The following CKAP5 variants were observed in gnomAD, a reference collection of about 807,000 sequenced individuals.
The protein encoded by CKAP5 is cytoskeleton-associated protein 5.
CKAP5 carries 27 observed loss-of-function variants against 232.8 expected under a neutral mutation model. The observed-to-expected ratio is 0.12, with a 90% CI of 0.09 to 0.16. The LOEUF is 0.16. Among genes scored for constraint, CKAP5 ranks in the 10% least tolerant of loss-of-function variants. The probability of loss-of-function intolerance (pLI) is 1.00; values close to 1 mark genes in which losing one functional copy is unlikely to be tolerated. For missense variants in CKAP5, 1,838 were observed against 2,424.7 expected (o/e 0.76, Z 5.08); for synonymous variants, 785 against 841.1 (o/e 0.93, Z 1.16).
intron 24 of CKAP5, among the ~76,000 whole-genome samples, chr11:46,775,410 T>A (rs1292648531): frequency 6.6e-6 from 1 of 152,180 alleles, no homozygotes; most frequent in African/African-American, 2.4e-5. Flanking sequence ...TGGAAGACAG[T>A]GTGGCAATTC....
intron 9 of CKAP5, among the ~76,000 whole-genome samples, chr11:46,800,139 T>C (rs1402063170): frequency 1.3e-5 from 2 of 152,210 alleles, no homozygotes; most frequent in Non-Finnish European, 2.9e-5. Context: ...AAATGGCATA[T>C]ACACATCGAT....
In CKAP5 at chr11:46,770,110, A is replaced by C. The variant is rs772957611; in HGVS notation, c.3187-12T>G. On this transcript the variant is annotated splice_polypyrimidine_tract_variant and intron_variant, in intron 25 of 43. Coordinates refer to ENST00000529230, the MANE Select transcript of CKAP5 (RefSeq NM_001008938.4). ...TCTTTAGAAGTTGGCTAGAGAGACAAAATGACATAAAAAGTGAGAGGTCAC... is the reference window on the plus strand; with the variant it reads ...TCTTTAGAAGTTGGCTAGAGAGACACAATGACATAAAAAGTGAGAGGTCAC... 6.2e-7 allele frequency: 1 copy of C among 1,613,126 alleles called. No homozygotes were observed. Among genetic ancestry groups the C allele is most frequent in the Non-Finnish European group, 8.5e-7 (1 of 1,179,178 alleles).
intron 42 of CKAP5, 120 bp from the exon 43 acceptor site, chr11:46,744,697 T>G: frequency 1.1e-6 from 1 of 902,108 alleles, no homozygotes; most frequent in Non-Finnish European, 1.7e-6. Context: ...AAACGACAAA[T>G]TCCACAAGAA....
intron 18 of CKAP5, 140 bp from the exon 19 acceptor site, chr11:46,780,625 T>C (rs1011235606): frequency 1.2e-5 from 8 of 667,360 alleles, no homozygotes; most frequent in Admixed American, 8.0e-5. Context: ...CTTTATTTTA[T>C]TTTATTTATT....
At chr11:46,827,057 C>A (rs1166022315) in intron 1 of CKAP5, among the ~76,000 whole-genome samples, 2 of 152,152 alleles carry the variant, frequency 1.3e-5, no homozygotes, top group East Asian at 3.8e-4. Flanking sequence ...AAATGATGGA[C>A]CAACTAGGAA....
At chr11:46,752,219 C>CACACACATAT (rs61518519) in intron 38 of CKAP5, among the ~76,000 whole-genome samples, 1 of 86,222 alleles carries the variant, frequency 1.2e-5, no homozygotes, top group Admixed American at 1.8e-4. Flanking sequence ...CACACACACA[C>CACACACATAT]ACACACACAC....
chr11:46,801,343 G>T, intron 8 of CKAP5, 39 bp from the exon 9 acceptor site: 1 of 1,458,338 alleles, frequency 6.9e-7, no homozygotes, highest in Non-Finnish European at 9.6e-7. Flanking sequence ...AATAGTCACA[G>T]CCATGTAGAA....
chr11:46,783,429 T>G, intron 17 of CKAP5, 61 bp from the exon 18 acceptor site: 10 of 1,067,442 alleles, frequency 9.4e-6, no homozygotes, highest in Non-Finnish European at 1.3e-5. Flanking sequence ...AAATACAGCA[T>G]GACATTAAGG....
At chr11:46,812,413 G>T (rs1249396738) in intron 4 of CKAP5, among the ~76,000 whole-genome samples, 1 of 152,122 alleles carries the variant, frequency 6.6e-6, no homozygotes, top group African/African-American at 2.4e-5. Flanking sequence ...TTCCCAACTG[G>T]CCAATTTTAG....
In CKAP5 at chr11:46,763,743, T is replaced by G. The variant is rs547839802; in HGVS notation, c.3538-113A>C. The G allele has an allele frequency of 1.7e-5, 11 of 629,008 alleles. No individual in the cohort carries two copies. In the Admixed American group the frequency reaches 3.2e-4, roughly 18 times the overall value. 39.0% of individuals were successfully genotyped at this position (629,008 alleles called of 1,614,324 possible). Reference sequence around the variant, plus strand: ...TAAAATATTTAAAAATTCAACAATATTCATTTGTAATTAAATATGAATGCA... The same window carrying G: ...TAAAATATTTAAAAATTCAACAATAGTCATTTGTAATTAAATATGAATGCA... On this transcript the variant is annotated intron_variant, in intron 28 of 43. Coordinates refer to ENST00000529230, the MANE Select transcript of CKAP5 (RefSeq NM_001008938.4).
chr11:46,831,417 C>A (rs1202397166), intron 1 of CKAP5, among the ~76,000 whole-genome samples: 1 of 152,202 alleles, frequency 6.6e-6, no homozygotes, highest in African/African-American at 2.4e-5. Flanking sequence ...TACATGATAT[C>A]TCCTTTGAAA....
chr11:46,797,087 G>A, intron 11 of CKAP5, 147 bp from the exon 12 acceptor site: 1 of 892,432 alleles, frequency 1.1e-6, no homozygotes, highest in East Asian at 2.9e-5. Flanking sequence ...CCAATTGACA[G>A]TTACTCTTTC....
chr11:46,828,532 T>TGTGA lies in CKAP5; in HGVS notation c.-37-7268_-37-7265dup, dbSNP rs146795462. Among the ~76,000 whole-genome samples, 20 of 152,338 alleles carry TGTGA rather than the reference T, an allele frequency of 1.3e-4. No individual in the cohort carries two copies. The East Asian group carries it at 2.3e-3, about 18-fold the overall frequency. On this transcript the variant is annotated intron_variant, in intron 1 of 43. Transcript: ENST00000529230. ...TCTTAATTATCTTTTTCTTCCAATGTGTGATACAAAATAAGTACCCAACAA... is the reference window on the plus strand; with the variant it reads ...TCTTAATTATCTTTTTCTTCCAATGTGTGAGTGATACAAAATAAGTACCCAACAA...
In CKAP5 at chr11:46,778,333, C is replaced by T; in HGVS notation, c.2574-20G>A. The stretch of plus-strand genomic sequence containing the variant: ...TTATCACTGAAAAACAGAAAATAAC[C>T]TTTAATTCCAGACTCCAAAAAAATG... On this transcript the variant is annotated intron_variant, in intron 21 of 43. Coordinates refer to ENST00000529230, the MANE Select transcript of CKAP5 (RefSeq NM_001008938.4). 1.2e-6 allele frequency: 2 copies of T among 1,607,916 alleles called. No homozygotes were observed. The highest frequency in any genetic ancestry group is 1.7e-6 in the Non-Finnish European group (2 of 1,176,804).
chr11:46,811,232 G>A, intron 4 of CKAP5, 54 bp from the exon 5 acceptor site: 1 of 1,393,194 alleles, frequency 7.2e-7, no homozygotes, highest in South Asian at 1.3e-5. Context: ...ATTAAATAAA[G>A]CATTAGCTTT....
intron 20 of CKAP5, among the ~76,000 whole-genome samples, chr11:46,779,200 C>T (rs1389151489): frequency 6.8e-6 from 1 of 147,732 alleles, no homozygotes; most frequent in Non-Finnish European, 1.5e-5. Context: ...GTGGCATGAT[C>T]TTGGTTCACT....
At chr11:46,820,055 A>AC (rs1939492321) in intron 2 of CKAP5, among the ~76,000 whole-genome samples, 2 of 152,200 alleles carry the variant, frequency 1.3e-5, no homozygotes, top group South Asian at 2.1e-4. Context: ...GCACATATTA[A>AC]CCAATCAAAA....
intron 24 of CKAP5, among the ~76,000 whole-genome samples, chr11:46,775,949 G>A (rs578155197): frequency 4.0e-4 from 61 of 152,004 alleles, no homozygotes; most frequent in Non-Finnish European, 6.0e-4. Flanking sequence ...TTCTGCACAT[G>A]TATCCCAGAG....
chr11:46,744,890 C>T (rs953785913), intron 42 of CKAP5, among the ~76,000 whole-genome samples: 5 of 152,210 alleles, frequency 3.3e-5, no homozygotes, highest in African/African-American at 1.2e-4. Flanking sequence ...GCTGAAGCTA[C>T]TCCTAAGCAT....
Sources: gnomAD v4.1 joint callset for allele counts (sites outside exome capture counted in the v4.1 genomes callset) on GRCh38, gnomAD v4.1.1 for gene constraint, MANE v1.5 for transcripts, NCBI Gene and HGNC (gene_info 2026-07-23, HGNC 2026-07-21) for gene names.